The following EFR3B variants were observed in gnomAD, a reference collection of about 807,000 sequenced individuals.
EFR3B encodes the protein EFR3 homolog B, also known as protein EFR3 homolog B.
Under a neutral mutation model 104.7 loss-of-function variants are expected in EFR3B, and 64 were observed. That is an observed-to-expected ratio of 0.61 (90% confidence interval 0.50 to 0.75). EFR3B has a LOEUF of 0.75. EFR3B is among the 30% of genes least tolerant of loss of function. The pLI, the probability that EFR3B is intolerant of heterozygous loss-of-function variation, is 0.00. For missense variants in EFR3B, 750 were observed against 1,078.5 expected, an observed-to-expected ratio of 0.70 and a Z score of 4.27; for synonymous variants, 385 against 417.9, an observed-to-expected ratio of 0.92 and a Z score of 0.96.
rs1047159617 is a variant in EFR3B at position 25,154,634 on chromosome 2, G to T, written c.*294G>T. ...TGGGGTGTCTCTCAGGAGAAGCCGG[G>T]GGGAGGGGGCTGAGAAGCTCCTACT... is the stretch of plus-strand genomic sequence containing the variant. On this transcript the variant is annotated 3_prime_UTR_variant, in exon 23 of 23. Transcript: ENST00000403714. This position sits in a 1 kb window ranked among gnomAD's most constrained non-coding sequence, Gnocchi z 4.1. 3 of 351,062 alleles carry T rather than the reference G, an allele frequency of 8.5e-6. No individual in the cohort carries two copies. The highest frequency in any genetic ancestry group is 5.1e-6 in the Non-Finnish European group (1 of 195,352). The allele number at this position is 351,062 out of a possible 1,614,324, so 21.7% of individuals were successfully genotyped here. A position where few individuals can be genotyped will look rare whatever the true frequency, so the allele number is the denominator to read the frequency against.
intron 3 of EFR3B, among the ~76,000 whole-genome samples, chr2:25,101,588 C>T (rs1029961177): frequency 6.6e-6 from 1 of 152,176 alleles, no homozygotes; most frequent in Non-Finnish European, 1.5e-5. Flanking sequence ...CTCAAGCAAT[C>T]TGCCCACCTC....
intron 16 of EFR3B, among the ~76,000 whole-genome samples, chr2:25,139,409 T>C (rs1670602531): frequency 6.6e-6 from 1 of 152,054 alleles, no homozygotes; most frequent in African/African-American, 2.4e-5. Flanking sequence ...GGGGGGGTCT[T>C]CTATACCTGT....
At chr2:25,141,994 T>C (rs1670680067) in intron 17 of EFR3B, among the ~76,000 whole-genome samples, 1 of 152,134 alleles carries the variant, frequency 6.6e-6, no homozygotes, top group African/African-American at 2.4e-5. Flanking sequence ...GGGATATCTG[T>C]GTATATTTAA....
At chr2:25,145,255 A>G in intron 19 of EFR3B, 1 of 591,354 alleles carries the variant, frequency 1.7e-6, no homozygotes, top group Non-Finnish European at 3.0e-6. Context: ...CCCTGCTCCC[A>G]TGAGGATATC....
In EFR3B at chr2:25,131,528, G is replaced by A. The variant is rs748275441; in HGVS notation, c.985+25G>A. Reference sequence around the variant, plus strand: ...GGTAAGGGGCATGGCTAGGGCCTGAGGGCCGGGGACCCCGCGGAGGCTGCC... The same window carrying A: ...GGTAAGGGGCATGGCTAGGGCCTGAAGGCCGGGGACCCCGCGGAGGCTGCC... On this transcript the variant is annotated intron_variant, in intron 9 of 22. Coordinates refer to ENST00000403714, the MANE Select transcript of EFR3B (RefSeq NM_014971.2). The surrounding 1 kb of genome is among the most constrained non-coding windows in gnomAD (Gnocchi z 7.6). 44 of 1,546,836 alleles carry A rather than the reference G, an allele frequency of 2.8e-5. No individual in the cohort carries two copies. The African/African-American group carries it at 5.5e-4, about 19-fold the overall frequency.
chr2:25,158,823 G>A lies in EFR3B; in HGVS notation c.*4483G>A, dbSNP rs1671243371. ...TGCTGTAGCCCATATCTCGTAATGT[G>A]TCTGTGTCCACTTAGAGCCTCACGA... On this transcript the variant is annotated 3_prime_UTR_variant, in exon 23 of 23. Transcript: ENST00000403714. The A allele has an allele frequency of 1.3e-5, 2 of 152,280 alleles. No homozygotes were observed. The highest frequency in any genetic ancestry group is 2.4e-5 in the African/African-American group (1 of 41,446). The allele number at this position is 152,280 out of a possible 1,614,324, so 9.4% of individuals were successfully genotyped here.
chr2:25,130,243 G>GCGCC lies in EFR3B; in HGVS notation c.770+134_770+135insCGCC. 2 of 1,381,162 alleles carry GCGCC rather than the reference G, an allele frequency of 1.4e-6. No homozygotes were observed. The highest frequency in any genetic ancestry group is 2.0e-6 in the Non-Finnish European group (2 of 1,022,220). 85.6% of individuals were successfully genotyped at this position (1,381,162 alleles called of 1,614,324 possible). On this transcript the variant is annotated intron_variant, in intron 7 of 22. Transcript: ENST00000403714. The surrounding 1 kb of genome is among the most constrained non-coding windows in gnomAD (Gnocchi z 4.6). ...CCGCAGCCGAGTCGATCCCTTCCCT[G>GCGCC]TGCCTGTGTTCCCTGCACTGTGACA...
rs1163113320 is a variant in EFR3B at position 25,143,740 on chromosome 2, C to G, written c.1928C>G (p.Ser643Cys). 1.3e-6 allele frequency: 2 copies of G among 1,551,546 alleles called. No homozygotes were observed. Among genetic ancestry groups the G allele is most frequent in the East Asian group, 4.9e-5 (2 of 40,906 alleles). ...CTCCCTCCTTCATCTTCCAGGCTGT[C>G]TCAGAATCTTGATGGGGTGGTCATT... is the stretch of plus-strand genomic sequence containing the variant. ...EDVFVERPRLSQNLDGVVIEL... is the reference protein window; with the variant it reads ...EDVFVERPRLCQNLDGVVIEL... The change falls in exon 18 of 23, where the codon TCT becomes TGT. Residue 643 changes from serine to cysteine, a missense_variant. By Grantham distance (112) the Ser-to-Cys change is moderately radical. Transcript: ENST00000403714.
intron 3 of EFR3B, among the ~76,000 whole-genome samples, chr2:25,096,513 T>C (rs1333640930): frequency 1.3e-5 from 2 of 152,212 alleles, no homozygotes; most frequent in Non-Finnish European, 2.9e-5. Context: ...TGCGCTTTCC[T>C]AGCTCTTTGA....
intron 5 of EFR3B, among the ~76,000 whole-genome samples, chr2:25,127,409 A>C (rs960725463): frequency 5.3e-5 from 8 of 152,164 alleles, no homozygotes; most frequent in Non-Finnish European, 7.3e-5. Flanking sequence ...TATTATGCAC[A>C]GAAGAAAGGA....
rs563165254 is a variant in EFR3B, at chr2:25,081,872, G to C, written c.8-9453G>C. Among the ~76,000 whole-genome samples the C allele has an allele frequency of 2.6e-4, 39 of 152,302 alleles. No homozygotes were observed. The South Asian group carries it at 7.9e-3, about 31-fold the overall frequency. ...TGCTGGGTTACTAGTAGGGAGTTTG[G>C]GGGAGGGGACCTAGATTTTGAAAAG... On this transcript the variant is annotated intron_variant, in intron 1 of 22. Transcript: ENST00000403714.
At position 25,135,631 on chromosome 2, in the gene EFR3B, T is replaced by C. The variant is rs1400104513; in HGVS notation, c.1476T>C (p.Ser492=). 2.6e-6 allele frequency: 4 copies of C among 1,552,088 alleles called. No homozygotes were observed. Among genetic ancestry groups the C allele is most frequent in the Non-Finnish European group, 3.5e-6 (4 of 1,147,110 alleles). The change falls in exon 13 of 23, where the codon TCT becomes TCC. Residue 492 remains serine, a synonymous_variant. Coordinates refer to ENST00000403714, the MANE Select transcript of EFR3B (RefSeq NM_014971.2). The part of the protein sequence containing the change: ...IDRHGNRHKF[S]TISTLSDISV... ...GTCATGGCAACCGCCACAAGTTCTC[T>C]ACCATCAGGTGAACTTGGGGTGTCT...
chr2:25,043,873 G>A (rs1667646373), intron 1 of EFR3B, among the ~76,000 whole-genome samples: 1 of 152,210 alleles, frequency 6.6e-6, no homozygotes, highest in African/African-American at 2.4e-5. Flanking sequence ...TGGGGAAGGA[G>A]TTAGGACAGG....
chr2:25,093,173 T>C, intron 3 of EFR3B, 43 bp downstream of exon 3: 1 of 1,546,298 alleles, frequency 6.5e-7, no homozygotes. Context: ...TCAGGAACTA[T>C]ATTGTTAGGC....
chr2:25,120,006 G>A (rs1669969114), intron 4 of EFR3B, among the ~76,000 whole-genome samples: 1 of 152,132 alleles, frequency 6.6e-6, no homozygotes, highest in African/African-American at 2.4e-5. Flanking sequence ...ATATTTTATT[G>A]TGAATCTAAC....
At chr2:25,101,513 TA>T (rs1411599029) in intron 3 of EFR3B, among the ~76,000 whole-genome samples, 1 of 152,114 alleles carries the variant, frequency 6.6e-6, no homozygotes, top group Non-Finnish European at 1.5e-5. Flanking sequence ...CATGCCTGGC[TA>T]ATTTTTGCAT....
rs570938801 is a variant in EFR3B at position 25,080,393 on chromosome 2, C to T, written c.8-10932C>T. On this transcript the variant is annotated intron_variant, in intron 1 of 22. Transcript: ENST00000403714. ...CACTGCAACCTCCGCCTCCCATGTTCGAGCGATTCTGCTGCCTCAGCCTCC... is the reference window on the plus strand; with the variant it reads ...CACTGCAACCTCCGCCTCCCATGTTTGAGCGATTCTGCTGCCTCAGCCTCC... 2.5e-4 allele frequency: 128 copies of T among 515,186 alleles called. 1 individual carries two copies. The highest frequency in any genetic ancestry group is 4.0e-4 in the Non-Finnish European group (118 of 292,224). The allele number at this position is 515,186 out of a possible 1,614,324, so 31.9% of individuals were successfully genotyped here.
chr2:25,130,510 C>G lies in EFR3B; in HGVS notation c.771-42C>G. 1 of 1,480,810 alleles carries G rather than the reference C, an allele frequency of 6.8e-7. No individual in the cohort carries two copies. Among genetic ancestry groups the G allele is most frequent in the South Asian group, 1.2e-5 (1 of 82,572 alleles). 91.7% of individuals were successfully genotyped at this position (1,480,810 alleles called of 1,614,324 possible). A position where few individuals can be genotyped will look rare whatever the true frequency, so the allele number is the denominator to read the frequency against. On this transcript the variant is annotated intron_variant, in intron 7 of 22. Transcript: ENST00000403714. This position sits in a 1 kb window ranked among gnomAD's most constrained non-coding sequence, Gnocchi z 4.6. ...GCTAATCTCTTCTCCCTAACACTGC[C>G]GGGAGTTTCATAGTTGTTCCCCCAC... is the stretch of plus-strand genomic sequence containing the variant.
intron 1 of EFR3B, among the ~76,000 whole-genome samples, chr2:25,070,833 G>T (rs1345441024): frequency 5.3e-5 from 8 of 152,210 alleles, no homozygotes; most frequent in African/African-American, 1.9e-4. Context: ...AACTGTGAAG[G>T]CACACAACAT....
Sources: allele counts gnomAD v4.1 joint callset (sites outside exome capture counted in the v4.1 genomes callset), GRCh38; gene constraint gnomAD v4.1.1; non-coding constraint Gnocchi (gnomAD v3.1); transcripts MANE v1.5; gene names NCBI Gene and HGNC (gene_info 2026-07-23, HGNC 2026-07-21).